SCARB2: variants seen among roughly 807,000 people sequenced by gnomAD.
SCARB2 encodes lysosome membrane protein 2.
SCARB2 carries 29 observed loss-of-function variants against 58.6 expected under a neutral mutation model. The ratio of observed to expected loss-of-function variants is 0.49; its 90% CI spans 0.37 to 0.67. The LOEUF is 0.67. Ranked by LOEUF, SCARB2 falls within the 30% of genes least tolerant of loss-of-function variation. The pLI, the probability that SCARB2 is intolerant of heterozygous loss-of-function variation, is 0.00. For missense variants in SCARB2, 488 were observed against 578.5 expected (o/e 0.84, Z 1.60); for synonymous variants, 195 against 210.1 (o/e 0.93, Z 0.62).
At chr4:76,228,724 A>T (rs908596595) in intron 1 of SCARB2, among the ~76,000 whole-genome samples, 2 of 152,088 alleles carry the variant, frequency 1.3e-5, no homozygotes, top group African/African-American at 4.8e-5. Flanking sequence ...ACCTGCTATT[A>T]ATCTGATAGA....
intron 1 of SCARB2, among the ~76,000 whole-genome samples, chr4:76,200,091 C>T (rs972839531): frequency 1.3e-5 from 2 of 152,204 alleles, no homozygotes; most frequent in Non-Finnish European, 2.9e-5. Context: ...CCGCCAGATA[C>T]AACGAGCTAG....
At chr4:76,175,158 T>G (rs969084159) in intron 6 of SCARB2, 1 of 152,762 alleles carries the variant, frequency 6.5e-6, no homozygotes, top group African/African-American at 2.4e-5. Flanking sequence ...CAGAAAGAGA[T>G]AAAATACTCT....
intron 2 of SCARB2, among the ~76,000 whole-genome samples, chr4:76,184,175 A>G (rs1163172217): frequency 1.3e-5 from 2 of 152,222 alleles, no homozygotes; most frequent in Non-Finnish European, 2.9e-5. Flanking sequence ...GGGGACACAG[A>G]GCACAGGCAG....
chr4:76,168,555 G>A (rs1003186341), intron 8 of SCARB2, 79 bp from the exon 9 acceptor site: 2 of 1,167,396 alleles, frequency 1.7e-6, no homozygotes, highest in African/African-American at 3.0e-5. Context: ...CACCATTTCT[G>A]TGTAGTCCTC....
chr4:76,222,777 A>G (rs1733331729), intron 1 of SCARB2, among the ~76,000 whole-genome samples: 1 of 152,190 alleles, frequency 6.6e-6, no homozygotes, highest in South Asian at 2.1e-4. Flanking sequence ...CTTCACATCT[A>G]TTAATTTTTC....
chr4:76,231,936 C>A (rs188482586), intron 1 of SCARB2, among the ~76,000 whole-genome samples: 2 of 152,330 alleles, frequency 1.3e-5, no homozygotes, highest in Non-Finnish European at 2.9e-5. Flanking sequence ...AAAGCATACC[C>A]TTCCAGTCAA....
chr4:76,216,904 C>G (rs914536081), upstream of SCARB2, among the ~76,000 whole-genome samples: 1 of 152,180 alleles, frequency 6.6e-6, no homozygotes, highest in African/African-American at 2.4e-5. Flanking sequence ...AGTCTGTGAT[C>G]CCACAGTAAT....
intron 2 of SCARB2, among the ~76,000 whole-genome samples, chr4:76,181,716 C>T (rs1036122568): frequency 6.6e-6 from 1 of 152,098 alleles, no homozygotes; most frequent in African/African-American, 2.4e-5. Context: ...AGAAGCATGC[C>T]ACCACACCCA....
chr4:76,203,227 G>A (rs557457397), intron 1 of SCARB2, among the ~76,000 whole-genome samples: 58 of 152,136 alleles, frequency 3.8e-4, no homozygotes, highest in African/African-American at 1.3e-3. Context: ...CACCTACCTC[G>A]GCCTCCCAAA....
At chr4:76,167,970 T>C (rs1040044256) in intron 9 of SCARB2, among the ~76,000 whole-genome samples, 16 of 152,220 alleles carry the variant, frequency 1.1e-4, no homozygotes, top group Non-Finnish European at 1.6e-4. Context: ...TGAGCCACTG[T>C]ACCCAGCCAG....
chr4:76,195,173 C>A (rs1256234690), intron 2 of SCARB2: 1 of 153,644 alleles, frequency 6.5e-6, no homozygotes, highest in Non-Finnish European at 1.4e-5. Flanking sequence ...GAGTTCAAGA[C>A]CAGCCTGGGC....
exon 1 of SCARB2, chr4:76,234,468 G>C (rs1733549399): frequency 6.6e-6 from 1 of 152,208 alleles, no homozygotes; most frequent in Admixed American, 6.5e-5. Context: ...GGAAGAAACA[G>C]GGACTCTTGC....
At chr4:76,182,884 A>G (rs946661499) in intron 2 of SCARB2, among the ~76,000 whole-genome samples, 1 of 152,182 alleles carries the variant, frequency 6.6e-6, no homozygotes, top group Non-Finnish European at 1.5e-5. Context: ...CCAATTTACA[A>G]TGGGTTTATC....
At chr4:76,172,669 A>G (rs1007396876) in intron 7 of SCARB2, 3 of 146,306 alleles carry the variant, frequency 2.1e-5, no homozygotes, top group African/African-American at 8.0e-5. Context: ...TTCCAAAATG[A>G]TATCTTATTC....
chr4:76,180,057 AAC>A, intron 3 of SCARB2: 1 of 359,294 alleles, frequency 2.8e-6, no homozygotes, highest in Non-Finnish European at 5.4e-6. Context: ...GCTCATTATA[AAC>A]CCGACCTACA....
At chr4:76,218,072 A>T (rs1318224223), upstream of SCARB2, among the ~76,000 whole-genome samples, 1 of 152,238 alleles carries the variant, frequency 6.6e-6, no homozygotes, top group Non-Finnish European at 1.5e-5. Flanking sequence ...TCATGCCTGT[A>T]ATCCCAGCAT....
At chr4:76,186,217 G>T (rs1732482410) in intron 2 of SCARB2, among the ~76,000 whole-genome samples, 1 of 152,144 alleles carries the variant, frequency 6.6e-6, no homozygotes, top group African/African-American at 2.4e-5. Flanking sequence ...CTTGATTCTG[G>T]AAAGAGTGGG....
In SCARB2 at chr4:76,179,719, G is replaced by A. The variant is rs779417623; in HGVS notation, c.424-14C>T. On this transcript the variant is annotated splice_polypyrimidine_tract_variant and intron_variant, in intron 3 of 11. Coordinates refer to ENST00000264896, the MANE Select transcript of SCARB2 (RefSeq NM_005506.4). ...CTCTATGACAGTCTGCGGAGCAGAG[G>A]TATATTAAGACAGCAGCATCCCCTC... 6.2e-7 allele frequency: 1 copy of A among 1,606,144 alleles called. No homozygotes were observed. Among genetic ancestry groups the A allele is most frequent in the Non-Finnish European group, 8.5e-7 (1 of 1,173,618 alleles).
At chr4:76,183,377 G>T (rs1446327882) in intron 2 of SCARB2, among the ~76,000 whole-genome samples, 1 of 152,186 alleles carries the variant, frequency 6.6e-6, no homozygotes, top group African/African-American at 2.4e-5. Flanking sequence ...CTGTGCTTCT[G>T]AACTAATGGC....
Sources: gnomAD v4.1 joint callset for allele counts (sites outside exome capture counted in the v4.1 genomes callset) on GRCh38, gnomAD v4.1.1 for gene constraint, MANE v1.5 for transcripts, NCBI Gene and HGNC (gene_info 2026-07-23, HGNC 2026-07-21) for gene names.